The following DAZL variants were observed in gnomAD, a reference collection of about 807,000 sequenced individuals.
The protein encoded by DAZL is deleted in azoospermia-like.
DAZL carries 4 observed loss-of-function variants against 45.0 expected under a neutral mutation model. The observed-to-expected ratio is 0.09, with a 90% CI of 0.04 to 0.20. DAZL has a LOEUF of 0.20. DAZL is among the 10% of genes least tolerant of loss of function. The pLI is 1.00. For missense variants in DAZL, 326 were observed against 351.3 expected (o/e 0.93, Z 0.58); for synonymous variants, 122 against 112.4 (o/e 1.09, Z -0.54).
At chr3:16,596,068 A>C (rs1694595545) in intron 6 of DAZL, among the ~76,000 whole-genome samples, 2 of 152,050 alleles carry the variant, frequency 1.3e-5, no homozygotes, top group Non-Finnish European at 2.9e-5. Context: ...ACACATTTCA[A>C]GTACATGGAA....
Position 16,597,147 on chromosome 3 carries a change from C to A in DAZL, c.295-96G>T, listed in dbSNP as rs1242990327. 4.4e-6 allele frequency: 6 copies of A among 1,360,514 alleles called. No homozygotes were observed. The African/African-American group carries it at 5.8e-5, about 13-fold the overall frequency. 84.3% of individuals were successfully genotyped at this position (1,360,514 alleles called of 1,614,324 possible). ...TAAAGTCTTCTAAAATTCCTATTAT[C>A]ATAGAAGATCAGTGATAACTACACA... On this transcript the variant is annotated intron_variant, in intron 4 of 10. Transcript: ENST00000399444.
At position 16,604,987 on chromosome 3, in the gene DAZL, C is replaced by T. The variant is rs542513473; in HGVS notation, c.3+216G>A. 1.2e-4 allele frequency among the ~76,000 whole-genome samples: 19 copies of T among 152,354 alleles called. 1 individual carries two copies. The South Asian group carries it at 3.9e-3, about 32-fold the overall frequency. ...TCCTCGGGGCCCACCCCCACCTTGC[C>T]GCCCTTGGCGTCCCGCGCCTGCCTC... On this transcript the variant is annotated intron_variant, in intron 1 of 10. Transcript: ENST00000399444.
At chr3:16,596,002 GCTT>G (rs1694594113) in intron 6 of DAZL, among the ~76,000 whole-genome samples, 1 of 151,796 alleles carries the variant, frequency 6.6e-6, no homozygotes, top group East Asian at 1.9e-4. Context: ...AACAAGTAGG[GCTT>G]TTTTTTTTCT....
At chr3:16,604,521 T>G in intron 1 of DAZL, 2 of 1,506,340 alleles carry the variant, frequency 1.3e-6, no homozygotes. Context: ...CCCCCGCAGC[T>G]GACAGGCGCG....
chr3:16,596,323 C>G (rs1253740231), intron 6 of DAZL, among the ~76,000 whole-genome samples: 1 of 151,980 alleles, frequency 6.6e-6, no homozygotes. Context: ...AGAAATCTAC[C>G]CATTCCAGAA....
At chr3:16,602,249 A>G (rs1052711546) in intron 1 of DAZL, among the ~76,000 whole-genome samples, 4 of 152,212 alleles carry the variant, frequency 2.6e-5, no homozygotes, top group African/African-American at 9.6e-5. Flanking sequence ...AAACAATGCT[A>G]TGCATAAACT....
At chr3:16,604,329 C>A in intron 1 of DAZL, 1 of 995,026 alleles carries the variant, frequency 1.0e-6, no homozygotes, top group Non-Finnish European at 1.5e-6. Flanking sequence ...ACACCCAACG[C>A]TATCTACCAA....
rs549593684 is a variant in DAZL, at chr3:16,604,040, ATTAC to A, written c.3+1159_3+1162del. ...AAAATGAAAAGTGTTATAATAAATA[ATTAC>A]TTACAACTCAAGGTGATTACTTTTT... On this transcript the variant is annotated intron_variant, in intron 1 of 10. Transcript: ENST00000399444. Among the ~76,000 whole-genome samples the A allele has an allele frequency of 1.7e-3, 254 of 152,330 alleles. 3 individuals are homozygous for A. The highest frequency in any genetic ancestry group is 3.4e-3 in the Middle Eastern group (1 of 294).
At chr3:16,591,554 C>T (rs1460225315) in intron 10 of DAZL, among the ~76,000 whole-genome samples, 1 of 151,938 alleles carries the variant, frequency 6.6e-6, no homozygotes, top group Non-Finnish European at 1.5e-5. Flanking sequence ...CTCAGCCTCC[C>T]TCTGAAGTAG....
Position 16,598,075 on chromosome 3 carries a change from A to G in DAZL, c.242+12T>C, listed in dbSNP as rs200226885. On this transcript the variant is annotated intron_variant, in intron 3 of 10. Coordinates refer to ENST00000399444, the MANE Select transcript of DAZL (RefSeq NM_001351.4). Reference sequence around the variant, plus strand: ...TGGCTAGAGTTCAGATATTTTTGATAAAATTACTCACCCTTTGGACACACC... The same window carrying G: ...TGGCTAGAGTTCAGATATTTTTGATGAAATTACTCACCCTTTGGACACACC... 12 of 1,554,818 alleles carry G rather than the reference A, an allele frequency of 7.7e-6. No homozygotes were observed. Among genetic ancestry groups the G allele is most frequent in the Non-Finnish European group, 1.1e-5 (12 of 1,132,064 alleles).
intron 9 of DAZL, among the ~76,000 whole-genome samples, chr3:16,592,834 A>C (rs1694541342): frequency 6.6e-6 from 1 of 152,212 alleles, no homozygotes; most frequent in Non-Finnish European, 1.5e-5. Context: ...TTTACACTCC[A>C]ATGGGACTTC....
chr3:16,598,785 T>C (rs968777408), intron 1 of DAZL, among the ~76,000 whole-genome samples, 187 bp from the exon 2 acceptor site: 1 of 138,452 alleles, frequency 7.2e-6, no homozygotes, highest in East Asian at 2.1e-4. Flanking sequence ...AAGGATATAG[T>C]ACTTTTTTTT....
rs761345541 is a variant in DAZL, at chr3:16,598,610, A to T, written c.4-12T>A. ...GGATTTGCAGTAGACTGTAATTTGGAAAGTAGACATCATAATTAGATACAC... is the reference window on the plus strand; with the variant it reads ...GGATTTGCAGTAGACTGTAATTTGGTAAGTAGACATCATAATTAGATACAC... On this transcript the variant is annotated splice_polypyrimidine_tract_variant and intron_variant, in intron 1 of 10. Coordinates refer to ENST00000399444, the MANE Select transcript of DAZL (RefSeq NM_001351.4). 5 of 1,590,972 alleles carry T rather than the reference A, an allele frequency of 3.1e-6. No homozygotes were observed. The highest frequency in any genetic ancestry group is 4.3e-6 in the Non-Finnish European group (5 of 1,174,720).
At chr3:16,602,589 A>T (rs1694708811) in intron 1 of DAZL, among the ~76,000 whole-genome samples, 1 of 152,222 alleles carries the variant, frequency 6.6e-6, no homozygotes, top group Admixed American at 6.5e-5. Flanking sequence ...CCTCATCAAG[A>T]TGAGCCATCC....
intron 1 of DAZL, among the ~76,000 whole-genome samples, chr3:16,601,389 A>G (rs1270611107): frequency 6.6e-6 from 1 of 152,200 alleles, no homozygotes; most frequent in Non-Finnish European, 1.5e-5. Context: ...TAATAGCGTA[A>G]TAACATCTTA....
Position 16,605,100 on chromosome 3 carries a change from G to A in DAZL, c.3+103C>T, listed in dbSNP as rs893189685. 4.5e-5 allele frequency: 67 copies of A among 1,478,006 alleles called. 1 individual carries two copies. Among genetic ancestry groups the A allele is most frequent in the Middle Eastern group, 3.9e-4 (2 of 5,192 alleles). The allele number at this position is 1,478,006 out of a possible 1,614,324, so 91.6% of individuals were successfully genotyped here. On this transcript the variant is annotated intron_variant, in intron 1 of 10. Transcript: ENST00000399444. ...CGTCCAGGCAGGTGCCCCCCAAACAGGAAAGCCGAGGATGACTTCACTTTC... is the reference window on the plus strand; with the variant it reads ...CGTCCAGGCAGGTGCCCCCCAAACAAGAAAGCCGAGGATGACTTCACTTTC...
At chr3:16,604,289 G>A (rs570714836) in intron 1 of DAZL, 3 of 668,088 alleles carry the variant, frequency 4.5e-6, no homozygotes, top group Admixed American at 2.8e-5. Flanking sequence ...CTGAAGCAAC[G>A]CTAGGCATTT....
intron 10 of DAZL, among the ~76,000 whole-genome samples, chr3:16,591,295 A>T (rs1389905415): frequency 6.6e-6 from 1 of 151,662 alleles, no homozygotes; most frequent in African/African-American, 2.4e-5. Context: ...CACTTTACCA[A>T]CTCTGTCTGA....
intron 6 of DAZL, 65 bp downstream of exon 6, chr3:16,596,685 G>GT: frequency 6.4e-7 from 1 of 1,555,600 alleles, no homozygotes; most frequent in Non-Finnish European, 8.9e-7. Flanking sequence ...GAAATTGGAT[G>GT]TAATTCCACA....
Sources: gnomAD v4.1 joint callset for allele counts (sites outside exome capture counted in the v4.1 genomes callset) on GRCh38, gnomAD v4.1.1 for gene constraint, MANE v1.5 for transcripts, NCBI Gene and HGNC (gene_info 2026-07-23, HGNC 2026-07-21) for gene names.